Variants in RAVER2 observed in about 807,000 individuals in gnomAD.
RAVER2 encodes the protein ribonucleoprotein PTB-binding 2.
A neutral mutation model predicts 78.1 loss-of-function variants in RAVER2; 46 were observed. The observed-to-expected ratio is 0.59, with a 90% CI of 0.46 to 0.75. The LOEUF is 0.75. Among genes scored for constraint, RAVER2 ranks in the 30% least tolerant of loss-of-function variants. RAVER2 has a pLI of 0.00. For synonymous variants in RAVER2, 311 were observed against 313.3 expected (o/e 0.99, Z 0.08); for missense variants, 793 against 837.5 (o/e 0.95, Z 0.66).
intron 11 of RAVER2, among the ~76,000 whole-genome samples, chr1:64,820,128 ACT>A (rs1265018879): frequency 3.3e-5 from 5 of 152,176 alleles, no homozygotes; most frequent in South Asian, 2.1e-4. Flanking sequence ...ATCAAAAGTA[ACT>A]CTAAGTAGGT....
intron 4 of RAVER2, among the ~76,000 whole-genome samples, chr1:64,786,059 C>CT (rs2100844703): frequency 6.6e-6 from 1 of 152,246 alleles, no homozygotes; most frequent in African/African-American, 2.4e-5. Context: ...AATCTAGGCT[C>CT]AGAGTTCTTT....
At chr1:64,824,977 C>A (rs1386830232) in intron 11 of RAVER2, among the ~76,000 whole-genome samples, 1 of 138,572 alleles carries the variant, frequency 7.2e-6, no homozygotes, top group East Asian at 2.0e-4. Flanking sequence ...TGTGCAATAC[C>A]TTTTTGGGGA....
chr1:64,784,467 C>T (rs983229215), intron 4 of RAVER2, among the ~76,000 whole-genome samples: 1 of 152,120 alleles, frequency 6.6e-6, no homozygotes, highest in Non-Finnish European at 1.5e-5. Flanking sequence ...TGTGTTCTTT[C>T]CCTAACTTAT....
chr1:64,758,194 A>G (rs752978747), intron 1 of RAVER2, among the ~76,000 whole-genome samples: 1 of 152,250 alleles, frequency 6.6e-6, no homozygotes, highest in Non-Finnish European at 1.5e-5. Flanking sequence ...ATGTAAGTGT[A>G]CAGTAAATGC....
At chr1:64,747,081 C>T (rs529651196) in intron 1 of RAVER2, among the ~76,000 whole-genome samples, 20 of 152,046 alleles carry the variant, frequency 1.3e-4, no homozygotes, top group Non-Finnish European at 2.8e-4. Flanking sequence ...CATTTCCCTT[C>T]GCAATAGACA....
At position 64,790,397 on chromosome 1, in the gene RAVER2, A is replaced by G. The variant is rs1570558828; in HGVS notation, c.1105+883A>G. Among the ~76,000 whole-genome samples, 3 of 152,192 alleles carry G rather than the reference A, an allele frequency of 2.0e-5. No homozygotes were observed. In the East Asian group the frequency reaches 5.8e-4, roughly 29 times the overall value. ...TCACTTAGTAGCCTTCTTGGTTATC[A>G]CATCACCTGTCATGGTATTGTAGTG... On this transcript the variant is annotated intron_variant, in intron 5 of 11. Transcript: ENST00000294428.
chr1:64,754,261 G>T (rs902556541), intron 1 of RAVER2, among the ~76,000 whole-genome samples: 3 of 152,158 alleles, frequency 2.0e-5, no homozygotes, highest in Admixed American at 6.5e-5. Flanking sequence ...AATTCTGTTT[G>T]ATTCCAAAGC....
intron 1 of RAVER2, among the ~76,000 whole-genome samples, chr1:64,752,024 G>A (rs1020685522): frequency 6.6e-6 from 1 of 152,142 alleles, no homozygotes; most frequent in African/African-American, 2.4e-5. Flanking sequence ...TAGAACATTT[G>A]GCTATACAGT....
chr1:64,772,021 A>G (rs1652333999), intron 2 of RAVER2, among the ~76,000 whole-genome samples: 1 of 152,124 alleles, frequency 6.6e-6, no homozygotes, highest in Non-Finnish European at 1.5e-5. Flanking sequence ...AATAAACTAA[A>G]TAGTAGACCA....
upstream of RAVER2, chr1:64,745,087 C>G: frequency 1.3e-5 from 13 of 997,784 alleles, no homozygotes; most frequent in Non-Finnish European, 1.5e-5. This position sits in a 1 kb window ranked among gnomAD's most constrained non-coding sequence, Gnocchi z 4.3. Flanking sequence ...CTGCCCGCCT[C>G]GCCCTCGCCC....
intron 4 of RAVER2, 143 bp from the exon 5 acceptor site, chr1:64,789,245 A>T: frequency 1.5e-6 from 1 of 676,794 alleles, no homozygotes; most frequent in Non-Finnish European, 2.1e-6. Context: ...GAGAGTATAA[A>T]ATAGATATAT....
chr1:64,764,812 T>G (rs143319920), intron 1 of RAVER2, among the ~76,000 whole-genome samples: 19 of 152,326 alleles, frequency 1.2e-4, no homozygotes, highest in Non-Finnish European at 2.1e-4. Flanking sequence ...GAAACTTCAC[T>G]TCTTGCTCAT....
At chr1:64,766,356 C>G (rs1652174479) in intron 1 of RAVER2, among the ~76,000 whole-genome samples, 1 of 152,150 alleles carries the variant, frequency 6.6e-6, no homozygotes, top group African/African-American at 2.4e-5. Flanking sequence ...GTTATTGGGA[C>G]TCTCTTTCAG....
At chr1:64,833,145 A>T (rs547002614) in exon 12 of RAVER2, 2 of 184,972 alleles carry the variant, frequency 1.1e-5, no homozygotes, top group African/African-American at 4.7e-5. Context: ...CCTCCCCCCA[A>T]AACTATACTG....
At chr1:64,831,558 T>G (rs1425993995) in exon 12 of RAVER2, 1 of 152,188 alleles carries the variant, frequency 6.6e-6, no homozygotes, top group Non-Finnish European at 1.5e-5. Flanking sequence ...GACAGTGATA[T>G]CCAAGGTATC....
In RAVER2 at chr1:64,745,340, G is replaced by A; in HGVS notation, c.168G>A (p.Ala56=). 6.5e-7 allele frequency: 1 copy of A among 1,540,248 alleles called. No individual in the cohort carries two copies. Among genetic ancestry groups the A allele is most frequent in the Non-Finnish European group, 8.8e-7 (1 of 1,142,422 alleles). Residue 56 remains alanine (A), a synonymous_variant, in exon 1 of 12, where the codon GCG becomes GCA. Transcript: ENST00000294428. This position sits in a 1 kb window ranked among gnomAD's most constrained non-coding sequence, Gnocchi z 4.3. ...CGCTGCACCCTGAGGAGGTCGCCGC[G>A]CGACTGCAGCGGATGCAGCGGGAGC...
At chr1:64,760,278 C>CAA (rs1398149385) in intron 1 of RAVER2, among the ~76,000 whole-genome samples, 3 of 152,150 alleles carry the variant, frequency 2.0e-5, no homozygotes, top group Non-Finnish European at 2.9e-5. Context: ...TATGTTCTCT[C>CAA]ACGTTAGAAA....
intron 8 of RAVER2, among the ~76,000 whole-genome samples, chr1:64,806,807 A>T (rs1653429512): frequency 6.6e-6 from 1 of 152,176 alleles, no homozygotes; most frequent in South Asian, 2.1e-4. Flanking sequence ...CTTAAAACTT[A>T]ATTATTTCCT....
chr1:64,749,904 G>T (rs1651650134), intron 1 of RAVER2, among the ~76,000 whole-genome samples: 1 of 152,104 alleles, frequency 6.6e-6, no homozygotes, highest in Non-Finnish European at 1.5e-5. Flanking sequence ...AGGGGCATTT[G>T]CTTCTTAGAT....
Sources: allele counts gnomAD v4.1 joint callset (sites outside exome capture counted in the v4.1 genomes callset), GRCh38; gene constraint gnomAD v4.1.1; non-coding constraint Gnocchi (gnomAD v3.1); transcripts MANE v1.5; gene names NCBI Gene and HGNC (gene_info 2026-07-23, HGNC 2026-07-21).